RBFOX1: variants seen among roughly 807,000 people sequenced by gnomAD.
RBFOX1 encodes the protein RNA binding fox-1 homolog 1.
A neutral mutation model predicts 57.7 loss-of-function variants in RBFOX1; 8 were observed. The ratio of observed to expected loss-of-function variants is 0.14; its 90% confidence interval spans 0.08 to 0.25. The LOEUF (loss-of-function observed/expected upper bound fraction) is 0.25, where lower values mean the gene tolerates loss of function less well. Ranked by LOEUF, RBFOX1 falls within the 10% of genes least tolerant of loss-of-function variation. RBFOX1 has a pLI of 1.00. For missense variants in RBFOX1, 611 were observed against 548.5 expected (o/e 1.11, Z -1.14); for synonymous variants, 326 against 222.4 (o/e 1.47, Z -4.15).
At chr16:6,658,348 C>G (rs566228951) in intron 3 of RBFOX1, among the ~76,000 whole-genome samples, 1 of 151,708 alleles carries the variant, frequency 6.6e-6, no homozygotes, top group Admixed American at 6.6e-5. Context: ...TCAAGCGATT[C>G]TCCTGCCTCA....
intron 4 of RBFOX1, among the ~76,000 whole-genome samples, chr16:7,191,264 C>G (rs184317677): frequency 1.3e-5 from 2 of 152,022 alleles, no homozygotes; most frequent in East Asian, 1.9e-4. Context: ...AGAAGTAATT[C>G]CAGTCATGGC....
intron 4 of RBFOX1, among the ~76,000 whole-genome samples, chr16:7,260,205 T>C (rs2094863191): frequency 6.6e-6 from 1 of 152,208 alleles, no homozygotes; most frequent in Non-Finnish European, 1.5e-5. Flanking sequence ...CACATGCTTT[T>C]AGCGTAATTA....
At chr16:6,833,320 C>G (rs62017679) in intron 3 of RBFOX1, among the ~76,000 whole-genome samples, 38,604 of 151,532 alleles carry the variant, frequency 0.25, 5,887 homozygotes, top group Non-Finnish European at 0.35. Context: ...CTCCCAACAC[C>G]ATGCCTGGCT....
At chr16:6,175,831 A>G (rs2097002371) in intron 1 of RBFOX1, among the ~76,000 whole-genome samples, 1 of 152,134 alleles carries the variant, frequency 6.6e-6, no homozygotes, top group African/African-American at 2.4e-5. Context: ...CACGGGGACA[A>G]TCAGAAATGT....
At chr16:7,578,933 T>G (rs1183656120) in intron 5 of RBFOX1, among the ~76,000 whole-genome samples, 4 of 152,234 alleles carry the variant, frequency 2.6e-5, no homozygotes, top group Non-Finnish European at 5.9e-5. Flanking sequence ...CAGCCTTATT[T>G]GGAAGACAGG....
At chr16:7,129,869 G>T (rs992139969) in intron 4 of RBFOX1, among the ~76,000 whole-genome samples, 37 of 151,866 alleles carry the variant, frequency 2.4e-4, no homozygotes, top group African/African-American at 8.4e-4. Context: ...TGGATAGATG[G>T]TGGATGAAAA....
chr16:5,246,389 T>A (rs752224287), intron 1 of RBFOX1, among the ~76,000 whole-genome samples: 1 of 152,214 alleles, frequency 6.6e-6, no homozygotes, highest in Non-Finnish European at 1.5e-5. Flanking sequence ...GTGATTGAAG[T>A]ATGTATACAT....
At chr16:7,366,559 G>A (rs1221132431) in intron 4 of RBFOX1, among the ~76,000 whole-genome samples, 1 of 152,124 alleles carries the variant, frequency 6.6e-6, no homozygotes, top group Non-Finnish European at 1.5e-5. Context: ...CATGGAGGCT[G>A]CCTTAGTCGG....
At chr16:7,330,836 C>T (rs993019889) in intron 4 of RBFOX1, among the ~76,000 whole-genome samples, 3 of 152,088 alleles carry the variant, frequency 2.0e-5, no homozygotes, top group African/African-American at 7.2e-5. Flanking sequence ...CTGTTGATTG[C>T]TAAAGGAAAG....
chr16:6,025,630 G>A (rs1038306887), intron 1 of RBFOX1, among the ~76,000 whole-genome samples: 3 of 152,136 alleles, frequency 2.0e-5, no homozygotes, highest in African/African-American at 4.8e-5. Context: ...TCGTCTGTCC[G>A]GGTAGGTTCC....
Position 6,818,128 on chromosome 16 carries a change from G to A in RBFOX1, c.-16+163478G>A, listed in dbSNP as rs937914927. The stretch of plus-strand genomic sequence containing the variant: ...ATTTTCCACCCCTCCCTCTATGGAA[G>A]CCCTTTTCTAGGTTCCTCTGGTAGA... On this transcript the variant is annotated intron_variant, in intron 3 of 15. Coordinates refer to ENST00000550418, the MANE Select transcript of RBFOX1 (RefSeq NM_018723.4). 3.3e-5 allele frequency among the ~76,000 whole-genome samples: 5 copies of A among 152,132 alleles called. No homozygotes were observed. The East Asian group carries it at 7.7e-4, about 23-fold the overall frequency.
intron 2 of RBFOX1, among the ~76,000 whole-genome samples, chr16:5,557,558 C>G (rs1321262783): frequency 6.6e-6 from 1 of 152,132 alleles, no homozygotes; most frequent in Non-Finnish European, 1.5e-5. Context: ...AGGAAGGCAA[C>G]TTTTAGTTGA....
chr16:5,304,961 T>C (rs899533874), intron 1 of RBFOX1, among the ~76,000 whole-genome samples: 3 of 152,228 alleles, frequency 2.0e-5, no homozygotes, highest in African/African-American at 7.2e-5. Flanking sequence ...CCTCTTCGTG[T>C]CCTTTACCTG....
intron 4 of RBFOX1, among the ~76,000 whole-genome samples, chr16:5,955,069 T>A (rs559627431): frequency 1.6e-5 from 2 of 127,830 alleles, no homozygotes; most frequent in Admixed American, 9.9e-5. Context: ...TCACTTGAGG[T>A]CAGGAGTTCA....
intron 3 of RBFOX1, among the ~76,000 whole-genome samples, chr16:6,700,722 C>A (rs568767996): frequency 6.6e-6 from 1 of 152,032 alleles, no homozygotes; most frequent in Non-Finnish European, 1.5e-5. Context: ...AACCGAGTCA[C>A]CTGGTAAGAC....
intron 4 of RBFOX1, among the ~76,000 whole-genome samples, chr16:7,458,003 G>C (rs1036236360): frequency 6.6e-6 from 1 of 152,058 alleles, no homozygotes; most frequent in East Asian, 1.9e-4. Flanking sequence ...CTACCCTGGT[G>C]CCTGCTTGGT....
intron 2 of RBFOX1, among the ~76,000 whole-genome samples, chr16:6,413,099 C>T (rs1439933314): frequency 6.6e-6 from 1 of 152,164 alleles, no homozygotes; most frequent in African/African-American, 2.4e-5. Context: ...GCGGGTGGAT[C>T]ACCTGAGGTC....
intron 3 of RBFOX1, among the ~76,000 whole-genome samples, chr16:6,974,169 C>G (rs1226057617): frequency 2.0e-5 from 3 of 151,912 alleles, no homozygotes; most frequent in East Asian, 1.9e-4. Flanking sequence ...TTTTATTAAT[C>G]CAGTCTATCA....
intron 3 of RBFOX1, among the ~76,000 whole-genome samples, chr16:6,767,947 TAAGAAGAAGAAGAAG>T (rs71145291): frequency 6.2e-4 from 63 of 101,040 alleles, no homozygotes; most frequent in East Asian, 4.5e-3. Context: ...ATAATAATAA[TAAGAAGAAGAAGAAG>T]AAGAAGAAGA....
Sources: allele counts gnomAD v4.1 joint callset (sites outside exome capture counted in the v4.1 genomes callset), GRCh38; gene constraint gnomAD v4.1.1; transcripts MANE v1.5; gene names NCBI Gene and HGNC (gene_info 2026-07-23, HGNC 2026-07-21).